STON1: variants seen among roughly 807,000 people sequenced by gnomAD.
STON1 encodes stonin-1.
Under a neutral mutation model 60.9 loss-of-function variants are expected in STON1, and 79 were observed. The ratio of observed to expected loss-of-function variants is 1.30; its 90% CI spans 1.08 to 1.56. STON1 has a LOEUF of 1.56. Among genes scored for constraint, STON1 ranks in the 40% most tolerant of loss-of-function variants. The pLI is 0.00. For missense variants in STON1, 1,166 were observed against 858.9 expected (o/e 1.36, Z -4.47); for synonymous variants, 363 against 306.9 (o/e 1.18, Z -1.91).
intron 1 of STON1, among the ~76,000 whole-genome samples, chr2:48,541,332 G>A (rs1318618354): frequency 2.7e-5 from 4 of 150,762 alleles, no homozygotes; most frequent in Non-Finnish European, 5.9e-5. Flanking sequence ...CAGCCTGGGA[G>A]ACAGTGTGAG....
In STON1 at chr2:48,581,554, G is replaced by A. The variant is rs1209808579; in HGVS notation, c.921G>A (p.Leu307=). The change falls in exon 2 of 4, where the codon TTG becomes TTA. Residue 307 remains leucine, a synonymous_variant. Coordinates refer to ENST00000404752, the MANE Select transcript of STON1 (RefSeq NM_006873.4). ...TGAAAGTTTTGCCTGGAGGAATTTT[G>A]CAGATGTATTATGAACAGGGATTAG... is the stretch of plus-strand genomic sequence containing the variant. ...IFLKVLPGGI[L]QMYYEQGLEK... The A allele has an allele frequency of 1.2e-6, 2 of 1,614,102 alleles. No individual in the cohort carries two copies. Among genetic ancestry groups the A allele is most frequent in the African/African-American group, 1.3e-5 (1 of 74,932 alleles).
Position 48,585,330 on chromosome 2 carries a change from C to T in STON1, c.1930+2767C>T, listed in dbSNP as rs189243589. Among the ~76,000 whole-genome samples the T allele has an allele frequency of 3.1e-4, 47 of 152,128 alleles. No homozygotes were observed. The South Asian group carries it at 6.7e-3, about 22-fold the overall frequency. On this transcript the variant is annotated intron_variant, in intron 2 of 3. Coordinates refer to ENST00000404752, the MANE Select transcript of STON1 (RefSeq NM_006873.4). Reference sequence around the variant, plus strand: ...TGGTGCAATCTTGGCTCACTGCAACCGCTGCCTCCTGGGTTCAAGCAATTC... The same window carrying T: ...TGGTGCAATCTTGGCTCACTGCAACTGCTGCCTCCTGGGTTCAAGCAATTC...
At chr2:48,593,228 G>A (rs925043835) in intron 3 of STON1, among the ~76,000 whole-genome samples, 1 of 133,454 alleles carries the variant, frequency 7.5e-6, no homozygotes. Context: ...TAATTCTCCT[G>A]CCTCAGCCTC....
Position 48,595,535 on chromosome 2 carries a change from GT to G in STON1, c.*237del. The G allele has an allele frequency of 2.2e-6, 1 of 461,968 alleles. No individual in the cohort carries two copies. The highest frequency in any genetic ancestry group is 2.8e-5 in the South Asian group (1 of 36,356). The allele number at this position is 461,968 out of a possible 1,614,324, so 28.6% of individuals were successfully genotyped here. A position where few individuals can be genotyped will look rare whatever the true frequency, so the allele number is the denominator to read the frequency against. On this transcript the variant is annotated 3_prime_UTR_variant, in exon 4 of 4. Transcript: ENST00000404752. The stretch of plus-strand genomic sequence containing the variant: ...AAAATGTTTCTATAATTCGTGTGAT[GT>G]TTTGCTTCCTATTGAAACTCAAAGG...
intron 1 of STON1, among the ~76,000 whole-genome samples, chr2:48,558,673 C>T (rs1572946076): frequency 6.6e-6 from 1 of 152,272 alleles, no homozygotes; most frequent in African/African-American, 2.4e-5. Flanking sequence ...TCAACAGAAA[C>T]ATGAGCAGAG....
In STON1 at chr2:48,564,470, CTTCTTCTTCTTTCTTCTTCTTCTT is replaced by C. The variant is rs1558604552; in HGVS notation, c.-47-16116_-47-16093del. Among the ~76,000 whole-genome samples, 10 of 54,560 alleles carry C rather than the reference CTTCTTCTTCTTTCTTCTTCTTCTT, an allele frequency of 1.8e-4. 1 individual carries two copies. Among genetic ancestry groups the C allele is most frequent in the South Asian group, 5.9e-4 (1 of 1,692 alleles). 35.8% of individuals were successfully genotyped at this position (54,560 alleles called of 152,430 possible). ...TCTTCTTCTTCTTCTTCTTCTTCTTCTTCTTCTTCTTTCTTCTTCTTCTTCTTCTTCTTCTTCTTCTTCTTCTTC... is the reference window on the plus strand; with the variant it reads ...TCTTCTTCTTCTTCTTCTTCTTCTTCCTTCTTCTTCTTCTTCTTCTTCTTC... On this transcript the variant is annotated intron_variant, in intron 1 of 3. Coordinates refer to ENST00000404752, the MANE Select transcript of STON1 (RefSeq NM_006873.4).
At chr2:48,564,405 G>GTCC (rs1553359255) in intron 1 of STON1, among the ~76,000 whole-genome samples, 14 of 82,944 alleles carry the variant, frequency 1.7e-4, no homozygotes, top group African/African-American at 5.6e-4. Context: ...CAGTGGCGGT[G>GTCC]TCTTCTTCTT....
At chr2:48,568,168 G>A (rs908520630) in intron 1 of STON1, among the ~76,000 whole-genome samples, 1 of 152,156 alleles carries the variant, frequency 6.6e-6, no homozygotes, top group African/African-American at 2.4e-5. Context: ...CTACTGAGAG[G>A]TGTCGATGAT....
At chr2:48,534,537 T>G (rs1671348296) in intron 1 of STON1, among the ~76,000 whole-genome samples, 3 of 152,292 alleles carry the variant, frequency 2.0e-5, no homozygotes, top group Admixed American at 2.0e-4. Flanking sequence ...TAGTAAGAAC[T>G]GATGGGCACA....
At chr2:48,582,632 G>C in intron 2 of STON1, 69 bp downstream of exon 2, 2 of 1,542,286 alleles carry the variant, frequency 1.3e-6, no homozygotes, top group Non-Finnish European at 1.7e-6. Context: ...TCCTCCTTGG[G>C]TTGAAACCAG....
At chr2:48,561,311 T>C (rs1003690659) in intron 1 of STON1, among the ~76,000 whole-genome samples, 37 of 152,340 alleles carry the variant, frequency 2.4e-4, no homozygotes, top group Admixed American at 2.4e-3. Context: ...TTATATTTGG[T>C]GTACAAATCC....
chr2:48,590,011 G>T (rs1674421552), intron 2 of STON1, among the ~76,000 whole-genome samples: 1 of 152,170 alleles, frequency 6.6e-6, no homozygotes, highest in South Asian at 2.1e-4. Flanking sequence ...CTGAGGCTCA[G>T]AGAGATAAGC....
intron 2 of STON1, among the ~76,000 whole-genome samples, chr2:48,587,692 T>C (rs1674292393): frequency 6.6e-6 from 1 of 152,234 alleles, no homozygotes; most frequent in Non-Finnish European, 1.5e-5. Context: ...TCAGGAATTC[T>C]TTTGTAAAAC....
At chr2:48,577,582 T>TAAAA (rs70946812) in intron 1 of STON1, among the ~76,000 whole-genome samples, 1 of 141,002 alleles carries the variant, frequency 7.1e-6, no homozygotes. Context: ...CTCCGTCTCA[T>TAAAA]AAAAAAAAAA....
At chr2:48,561,119 C>G (rs1572948556) in intron 1 of STON1, among the ~76,000 whole-genome samples, 1 of 152,350 alleles carries the variant, frequency 6.6e-6, no homozygotes, top group South Asian at 2.1e-4. Flanking sequence ...CCTCCACTCT[C>G]TACCTCTAGC....
intron 1 of STON1, among the ~76,000 whole-genome samples, chr2:48,542,773 A>C (rs1417277785): frequency 6.6e-6 from 1 of 152,040 alleles, no homozygotes; most frequent in Non-Finnish European, 1.5e-5. Context: ...ACGTGGTGGC[A>C]CATGCGTGTA....
At chr2:48,543,271 G>A (rs1178521659) in intron 1 of STON1, among the ~76,000 whole-genome samples, 2 of 151,892 alleles carry the variant, frequency 1.3e-5, no homozygotes, top group Non-Finnish European at 2.9e-5. Flanking sequence ...CATTGCACCC[G>A]GCCATATCTT....
rs144521313 is a variant in STON1 at position 48,582,253 on chromosome 2, C to T, written c.1620C>T (p.Tyr540=). Residue 540 remains tyrosine (Y), a synonymous_variant, in exon 2 of 4, where the codon TAC becomes TAT. Coordinates refer to ENST00000404752, the MANE Select transcript of STON1 (RefSeq NM_006873.4). The stretch of plus-strand genomic sequence containing the variant: ...CTGTAGTGGTTGTCCAGGGAGCATA[C>T]GTGGAACTTCAGGCTTTTGTCAACA... The part of the protein sequence containing the change: ...LKSVVVVQGA[Y]VELQAFVNMA... 5.0e-5 allele frequency: 80 copies of T among 1,614,172 alleles called. No homozygotes were observed. In the African/African-American group the frequency reaches 7.7e-4, roughly 16 times the overall value.
chr2:48,581,636 G>A lies in STON1; in HGVS notation c.1003G>A (p.Val335Ile), dbSNP rs752820573. 18 of 1,614,064 alleles carry A rather than the reference G, an allele frequency of 1.1e-5. No homozygotes were observed. The highest frequency in any genetic ancestry group is 8.3e-5 in the Admixed American group (5 of 59,992). ...DPYCRLSEPK[V>I]ENFSVAGKIH... Reference sequence around the variant, plus strand: ...ATATTGTAGGCTTTCTGAACCCAAGGTTGAGAACTTCAGTGTAGCAGGAAA... The same window carrying A: ...ATATTGTAGGCTTTCTGAACCCAAGATTGAGAACTTCAGTGTAGCAGGAAA... The change falls in exon 2 of 4, where the codon GTT becomes ATT. Residue 335 changes from valine (V) to isoleucine (I), a missense_variant. Physicochemically the swap from Val to Ile is conservative, Grantham distance 29 (BLOSUM62 3). Coordinates refer to ENST00000404752, the MANE Select transcript of STON1 (RefSeq NM_006873.4).
Sources: allele counts gnomAD v4.1 joint callset (sites outside exome capture counted in the v4.1 genomes callset), GRCh38; gene constraint gnomAD v4.1.1; transcripts MANE v1.5; gene names NCBI Gene and HGNC (gene_info 2026-07-23, HGNC 2026-07-21).